Variants in CCNJL observed in about 807,000 individuals in gnomAD.
CCNJL encodes the protein cyclin J like.
A neutral mutation model predicts 33.4 loss-of-function variants in CCNJL; 33 were observed. The observed-to-expected ratio is 0.99, with a 90% CI of 0.75 to 1.32. CCNJL has a LOEUF of 1.32. Ranked by LOEUF, CCNJL falls within the 40% of genes most tolerant of loss-of-function variation. The pLI, the probability that CCNJL is intolerant of heterozygous loss-of-function variation, is 0.00. For synonymous variants in CCNJL, 227 were observed against 220.9 expected (o/e 1.03, Z -0.24); for missense variants, 512 against 499.7 (o/e 1.02, Z -0.23).
intron 1 of CCNJL, among the ~76,000 whole-genome samples, chr5:160,327,728 C>T (rs1023744448): frequency 7.2e-5 from 11 of 152,182 alleles, no homozygotes; most frequent in South Asian, 2.1e-4. Flanking sequence ...TAAGGAGAGA[C>T]GCTAGTAACA....
chr5:160,307,199 G>C (rs764182320), intron 2 of CCNJL, among the ~76,000 whole-genome samples: 27 of 152,148 alleles, frequency 1.8e-4, no homozygotes, highest in African/African-American at 6.5e-4. Flanking sequence ...CAGGTGAGGT[G>C]GGGGACACCC....
intron 2 of CCNJL, among the ~76,000 whole-genome samples, chr5:160,286,110 C>T (rs553343451): frequency 6.6e-6 from 1 of 152,290 alleles, no homozygotes; most frequent in South Asian, 2.1e-4. Context: ...GACCTTTGGC[C>T]GGGCCACGCT....
At chr5:160,339,538 G>A (rs760608482) in exon 1 of CCNJL, 10 of 449,396 alleles carry the variant, frequency 2.2e-5, no homozygotes, top group Admixed American at 2.4e-5. Flanking sequence ...AATCTTTGTC[G>A]ACTTGCTTTC....
At chr5:160,280,502 G>A in intron 3 of CCNJL, 23 bp downstream of exon 3, 1 of 1,595,636 alleles carries the variant, frequency 6.3e-7, no homozygotes, top group Non-Finnish European at 8.6e-7. Flanking sequence ...CAAGCGCGGA[G>A]GAAGACGTAG....
At position 160,253,627 on chromosome 5, in the gene CCNJL, T is replaced by C. The variant is rs779624773; in HGVS notation, c.915A>G (p.Leu305=). 19 of 1,613,048 alleles carry C rather than the reference T, an allele frequency of 1.2e-5. No homozygotes were observed. In the East Asian group the frequency reaches 3.1e-4, roughly 27 times the overall value. Residue 305 remains leucine, a synonymous_variant, in exon 6 of 6, where the codon CTA becomes CTG. Transcript: ENST00000257536. ...LAQFQTPVQD[L]CLAYRDSLQA... ...GCAAGGAGTCCCGATAGGCCAAGCA[T>C]AGGTCCTGCACGGGGGTCTGGAACT...
chr5:160,297,594 C>A (rs73817400), intron 2 of CCNJL, among the ~76,000 whole-genome samples: 10,458 of 148,642 alleles, frequency 0.07, 1,276 homozygotes, highest in African/African-American at 0.25. Flanking sequence ...GTGGGAGGAT[C>A]GCTTAAGCCT....
At chr5:160,307,728 C>A (rs1013628098) in intron 2 of CCNJL, among the ~76,000 whole-genome samples, 3 of 152,186 alleles carry the variant, frequency 2.0e-5, no homozygotes, top group East Asian at 1.9e-4. Context: ...GGCACTCCCA[C>A]CCCCAGCAGA....
chr5:160,257,458 G>A (rs1176740579), intron 4 of CCNJL, among the ~76,000 whole-genome samples: 1 of 151,888 alleles, frequency 6.6e-6, no homozygotes, highest in Non-Finnish European at 1.5e-5. Context: ...CTGGGTGACA[G>A]AGCAAGCCTC....
intron 2 of CCNJL, among the ~76,000 whole-genome samples, chr5:160,283,657 T>C (rs1399210767): frequency 6.6e-6 from 1 of 152,190 alleles, no homozygotes; most frequent in Non-Finnish European, 1.5e-5. Flanking sequence ...TATTTTGAAA[T>C]GTACAATTAA....
chr5:160,304,200 T>C (rs1331159178), intron 2 of CCNJL, among the ~76,000 whole-genome samples: 2 of 152,226 alleles, frequency 1.3e-5, no homozygotes, highest in Non-Finnish European at 2.9e-5. Flanking sequence ...TTTGGTATTC[T>C]AAGACCTAAA....
intron 2 of CCNJL, among the ~76,000 whole-genome samples, chr5:160,287,857 G>T (rs1463185631): frequency 6.6e-6 from 1 of 152,182 alleles, no homozygotes; most frequent in East Asian, 1.9e-4. Flanking sequence ...GGCGGTGAGA[G>T]TGTGGGCAGC....
intron 1 of CCNJL, among the ~76,000 whole-genome samples, chr5:160,323,257 C>T (rs142732218): frequency 9.1e-4 from 138 of 151,278 alleles, no homozygotes; most frequent in Non-Finnish European, 1.6e-3. Context: ...AAAAGTCCCT[C>T]AAAAATTTGT....
Position 160,280,911 on chromosome 5 carries a change from T to G in CCNJL, c.67-173A>C, listed in dbSNP as rs185171463. The G allele has an allele frequency of 2.7e-4, 191 of 700,110 alleles. No individual in the cohort carries two copies. The African/African-American group carries it at 2.8e-3, about 10-fold the overall frequency. 43.4% of individuals were successfully genotyped at this position (700,110 alleles called of 1,614,324 possible). On this transcript the variant is annotated intron_variant, in intron 2 of 5. Coordinates refer to ENST00000257536, the MANE Select transcript of CCNJL (RefSeq NM_001308173.3). ...AGCCCCGCCTGGGCTATCTCCCATC[T>G]GCTTTCACTAAGCACAGGCTCATAA...
intron 3 of CCNJL, among the ~76,000 whole-genome samples, chr5:160,275,107 CAG>C (rs1483709680): frequency 7.1e-6 from 1 of 141,328 alleles, no homozygotes; most frequent in East Asian, 2.1e-4. Context: ...TTTTTTGAGA[CAG>C]AGTCTTGCCC....
intron 1 of CCNJL, among the ~76,000 whole-genome samples, chr5:160,337,067 G>T (rs1282567040): frequency 7.3e-6 from 1 of 136,124 alleles, no homozygotes; most frequent in East Asian, 2.3e-4. Flanking sequence ...GCAGTGGCAC[G>T]ATCATGGACT....
chr5:160,278,758 C>T (rs1358769644), intron 3 of CCNJL, among the ~76,000 whole-genome samples: 1 of 152,226 alleles, frequency 6.6e-6, no homozygotes, highest in Non-Finnish European at 1.5e-5. Context: ...CCCCAGCGGG[C>T]CGCGATGCAG....
chr5:160,272,860 G>A (rs921942885), intron 3 of CCNJL, among the ~76,000 whole-genome samples: 2 of 152,194 alleles, frequency 1.3e-5, no homozygotes, highest in Non-Finnish European at 2.9e-5. Context: ...ACAGACTCAT[G>A]TAAGTTTGCA....
intron 2 of CCNJL, among the ~76,000 whole-genome samples, chr5:160,306,978 G>A (rs1763114848): frequency 6.6e-6 from 1 of 152,196 alleles, no homozygotes; most frequent in Non-Finnish European, 1.5e-5. Context: ...TAGGAAGCTG[G>A]GGTGGCATCC....
intron 2 of CCNJL, among the ~76,000 whole-genome samples, chr5:160,299,612 T>C (rs1182118406): frequency 6.9e-6 from 1 of 144,906 alleles, no homozygotes; most frequent in Non-Finnish European, 1.5e-5. Context: ...GTTGTTATGT[T>C]AAAAAAAAAA....
Sources: gnomAD v4.1 joint callset for allele counts (sites outside exome capture counted in the v4.1 genomes callset) on GRCh38, gnomAD v4.1.1 for gene constraint, MANE v1.5 for transcripts, NCBI Gene and HGNC (gene_info 2026-07-23, HGNC 2026-07-21) for gene names.